The following TAOK3 variants were observed in gnomAD, a reference collection of about 807,000 sequenced individuals.
TAOK3 encodes TAO kinase 3.
Under a neutral mutation model 120.4 loss-of-function variants are expected in TAOK3, and 40 were observed. The observed-to-expected ratio is 0.33, with a 90% CI of 0.26 to 0.43. The LOEUF is 0.43. Ranked by LOEUF, TAOK3 falls within the 20% of genes least tolerant of loss-of-function variation. The pLI is 1.00. For synonymous variants in TAOK3, 355 were observed against 387.5 expected (o/e 0.92, Z 0.99); for missense variants, 821 against 1,112.1 (o/e 0.74, Z 3.72).
intron 20 of TAOK3, among the ~76,000 whole-genome samples, 164 bp downstream of exon 20, chr12:118,152,063 G>A (rs2034485274): frequency 6.6e-6 from 1 of 152,172 alleles, no homozygotes; most frequent in African/African-American, 2.4e-5. Flanking sequence ...TCGGTCTGTA[G>A]AAGGGGGACA....
At chr12:118,323,820 G>T (rs1281435314) in intron 1 of TAOK3, among the ~76,000 whole-genome samples, 2 of 152,134 alleles carry the variant, frequency 1.3e-5, no homozygotes, top group Non-Finnish European at 2.9e-5. Context: ...GGAGAACACA[G>T]GGATCTTGTA....
At chr12:118,225,810 C>G (rs1406043076) in intron 9 of TAOK3, among the ~76,000 whole-genome samples, 1 of 152,186 alleles carries the variant, frequency 6.6e-6, no homozygotes, top group Non-Finnish European at 1.5e-5. Flanking sequence ...TGTTCATATA[C>G]ATTGATTAAT....
intron 1 of TAOK3, among the ~76,000 whole-genome samples, chr12:118,334,849 T>C (rs976195741): frequency 6.1e-5 from 9 of 148,108 alleles, no homozygotes; most frequent in African/African-American, 1.8e-4. Context: ...GCACTCCAGC[T>C]TGGGGCTTGG....
At chr12:118,267,902 A>G (rs968845577) in intron 1 of TAOK3, among the ~76,000 whole-genome samples, 1 of 148,730 alleles carries the variant, frequency 6.7e-6, no homozygotes, top group Admixed American at 6.7e-5. Context: ...AAAAAAAAAA[A>G]GGAAAGAAAA....
chr12:118,153,242 T>C (rs920224776), intron 19 of TAOK3, among the ~76,000 whole-genome samples: 1 of 152,258 alleles, frequency 6.6e-6, no homozygotes, highest in East Asian at 1.9e-4. Context: ...CCCCCATCTA[T>C]ACAAAGATTT....
intron 14 of TAOK3, among the ~76,000 whole-genome samples, chr12:118,185,105 A>G (rs1191771567): frequency 6.9e-6 from 1 of 144,756 alleles, no homozygotes; most frequent in Non-Finnish European, 1.5e-5. Context: ...ACATTTAAGG[A>G]AAAAAAAAAA....
intron 1 of TAOK3, among the ~76,000 whole-genome samples, chr12:118,331,002 CA>C (rs2044125329): frequency 6.6e-6 from 1 of 152,116 alleles, no homozygotes; most frequent in African/African-American, 2.4e-5. Flanking sequence ...ACAAGTAACA[CA>C]AAACTCTAGA....
At chr12:118,269,424 G>T (rs941455081) in intron 1 of TAOK3, among the ~76,000 whole-genome samples, 1 of 134,092 alleles carries the variant, frequency 7.5e-6, no homozygotes, top group Non-Finnish European at 1.5e-5. Context: ...AGGCTGGAGT[G>T]CAGTGATGCA....
chr12:118,331,396 G>A lies in TAOK3; in HGVS notation c.-194+41252C>T, dbSNP rs539132412. On this transcript the variant is annotated intron_variant, in intron 1 of 20. Transcript: ENST00000392533. ...ATGGTGGCTCGCACCTGTAATCCCAGCACTTTGGGAGGCCGAGGTAGGTGG... is the reference window on the plus strand; with the variant it reads ...ATGGTGGCTCGCACCTGTAATCCCAACACTTTGGGAGGCCGAGGTAGGTGG... Among the ~76,000 whole-genome samples, 6 of 152,204 alleles carry A rather than the reference G, an allele frequency of 3.9e-5. No individual in the cohort carries two copies. In the South Asian group the frequency reaches 1.2e-3, roughly 32 times the overall value.
intron 2 of TAOK3, among the ~76,000 whole-genome samples, chr12:118,264,737 A>G (rs2041369772): frequency 6.6e-6 from 1 of 152,198 alleles, no homozygotes; most frequent in Non-Finnish European, 1.5e-5. Flanking sequence ...AGAAAGATGT[A>G]CCAAATTGAA....
chr12:118,239,668 GT>G (rs1289740436), intron 5 of TAOK3, among the ~76,000 whole-genome samples: 1 of 152,126 alleles, frequency 6.6e-6, no homozygotes, highest in Non-Finnish European at 1.5e-5. Flanking sequence ...CTATTTTGGG[GT>G]TATACCAGTT....
At chr12:118,357,948 T>C (rs1390814894) in intron 1 of TAOK3, among the ~76,000 whole-genome samples, 1 of 152,220 alleles carries the variant, frequency 6.6e-6, no homozygotes. Context: ...ACTGCAATGC[T>C]TCTTAAATGA....
At chr12:118,250,472 G>A (rs1446217351) in intron 3 of TAOK3, among the ~76,000 whole-genome samples, 1 of 152,196 alleles carries the variant, frequency 6.6e-6, no homozygotes, top group Admixed American at 6.5e-5. Context: ...GAATTATAGT[G>A]TTTAGGTATA....
intron 1 of TAOK3, among the ~76,000 whole-genome samples, chr12:118,281,226 T>A (rs1045630787): frequency 3.3e-5 from 5 of 152,168 alleles, no homozygotes; most frequent in African/African-American, 7.2e-5. Flanking sequence ...GGACTTCCAG[T>A]GCTATGTTGA....
At chr12:118,304,816 T>C (rs945173574) in intron 1 of TAOK3, among the ~76,000 whole-genome samples, 2 of 152,218 alleles carry the variant, frequency 1.3e-5, no homozygotes, top group Admixed American at 6.5e-5. Flanking sequence ...TTAGATATTA[T>C]AAAATTACAG....
intron 20 of TAOK3, 145 bp from the exon 21 acceptor site, chr12:118,151,303 A>C: frequency 5.9e-6 from 3 of 505,776 alleles, no homozygotes; most frequent in Non-Finnish European, 1.0e-5. Flanking sequence ...ACACACACAC[A>C]CACACACACA....
intron 9 of TAOK3, among the ~76,000 whole-genome samples, chr12:118,216,928 CAAAAAAAA>C (rs11298822): frequency 5.6e-5 from 5 of 89,912 alleles, no homozygotes; most frequent in East Asian, 6.1e-4. Flanking sequence ...GACTCCATCT[CAAAAAAAA>C]AAAAAAAAAA....
At chr12:118,244,527 C>CTTTTTTTTTTTTTTTTTTTTTTTT (rs377072006) in intron 4 of TAOK3, among the ~76,000 whole-genome samples, 1 of 129,558 alleles carries the variant, frequency 7.7e-6, no homozygotes, top group Non-Finnish European at 1.6e-5. Flanking sequence ...TTTCTTTTTT[C>CTTTTTTTTTTTTTTTTTTTTTTTT]TTTTTCTTTT....
At chr12:118,337,797 A>C (rs565159318) in intron 1 of TAOK3, among the ~76,000 whole-genome samples, 1 of 152,352 alleles carries the variant, frequency 6.6e-6, no homozygotes, top group South Asian at 2.1e-4. Flanking sequence ...TAGCTGTGAT[A>C]ATGTAGCCTC....
Sources: allele counts gnomAD v4.1 joint callset (sites outside exome capture counted in the v4.1 genomes callset), GRCh38; gene constraint gnomAD v4.1.1; transcripts MANE v1.5; gene names NCBI Gene and HGNC (gene_info 2026-07-23, HGNC 2026-07-21).